The following ADCY9 variants were observed in gnomAD, a reference collection of about 807,000 sequenced individuals.
ADCY9 encodes the protein adenylate cyclase 9, also known as adenylate cyclase type 9.
ADCY9 carries 50 observed loss-of-function variants against 101.5 expected under a neutral mutation model. That is an observed-to-expected ratio of 0.49 (90% CI 0.39 to 0.62). The LOEUF is 0.62. Ranked by LOEUF, ADCY9 falls within the 20% of genes least tolerant of loss-of-function variation. The probability of loss-of-function intolerance (pLI) is 0.00; values close to 1 mark genes in which losing one functional copy is unlikely to be tolerated. For synonymous variants in ADCY9, 905 were observed against 769.3 expected, an observed-to-expected ratio of 1.18 and a Z score of -2.92; for missense variants, 1,662 against 1,800.4, an observed-to-expected ratio of 0.92 and a Z score of 1.39.
At chr16:4,069,911 G>C (rs1227708765) in intron 2 of ADCY9, among the ~76,000 whole-genome samples, 1 of 152,118 alleles carries the variant, frequency 6.6e-6, no homozygotes, top group Non-Finnish European at 1.5e-5. Context: ...GTCTGCCCAA[G>C]ATGGTGAAAC....
chr16:4,113,895 C>G lies in ADCY9; in HGVS notation c.1548G>C (p.Leu516=). Residue 516 remains leucine (L), a synonymous_variant, in exon 2 of 11, where the codon CTG becomes CTC. Transcript: ENST00000294016. The part of the protein sequence containing the change: ...KFDVWSNDVN[L]ANLMEQLGVA... ...CTCCCAGCTGCTCCATGAGATTGGC[C>G]AGGTTCACATCGTTGGACCACACGT... The G allele has an allele frequency of 6.2e-7, 1 of 1,614,176 alleles. No homozygotes were observed. Among genetic ancestry groups the G allele is most frequent in the Non-Finnish European group, 8.5e-7 (1 of 1,180,040 alleles).
At chr16:3,955,005 T>C (rs978364607) in intron 5 of ADCY9, among the ~76,000 whole-genome samples, 1 of 151,826 alleles carries the variant, frequency 6.6e-6, no homozygotes, top group Non-Finnish European at 1.5e-5. Flanking sequence ...AACAGACAGG[T>C]GAATGAAGAG....
chr16:4,051,004 C>G (rs7203542), intron 2 of ADCY9, among the ~76,000 whole-genome samples: 115,413 of 151,740 alleles, frequency 0.76, 44,229 homozygotes, highest in African/African-American at 0.83. Context: ...CCTGAGGTTA[C>G]AAGTTGGAGA....
chr16:4,041,919 G>GTTTTTT (rs750737772), intron 2 of ADCY9, among the ~76,000 whole-genome samples: 9 of 100,652 alleles, frequency 8.9e-5, no homozygotes, highest in Non-Finnish European at 1.3e-4. Flanking sequence ...CCCCAGCTAA[G>GTTTTTT]TTTTTTTTTT....
rs561561560 is a variant in ADCY9, at chr16:4,083,878, T to G, written c.1693+29872A>C. Reference sequence around the variant, plus strand: ...AGCACTGGGGGTGGCAGCTCGGGTGTGCCGGGCTTCTCTGTCGAGTGAAGA... The same window carrying G: ...AGCACTGGGGGTGGCAGCTCGGGTGGGCCGGGCTTCTCTGTCGAGTGAAGA... On this transcript the variant is annotated intron_variant, in intron 2 of 10. Transcript: ENST00000294016. Among the ~76,000 whole-genome samples the G allele has an allele frequency of 3.9e-5, 6 of 152,288 alleles. No homozygotes were observed. The South Asian group carries it at 1.2e-3, about 32-fold the overall frequency.
At chr16:4,092,897 G>C (rs2056982308) in intron 2 of ADCY9, among the ~76,000 whole-genome samples, 2 of 152,138 alleles carry the variant, frequency 1.3e-5, no homozygotes, top group African/African-American at 4.8e-5. Context: ...CACACCAACA[G>C]CTACATACAT....
intron 2 of ADCY9, among the ~76,000 whole-genome samples, chr16:4,059,951 G>A (rs967603810): frequency 6.6e-6 from 1 of 152,132 alleles, no homozygotes; most frequent in Non-Finnish European, 1.5e-5. Flanking sequence ...GAGTTAGAGC[G>A]GTGGTGTTCT....
At chr16:4,051,417 G>A (rs1358315930) in intron 2 of ADCY9, among the ~76,000 whole-genome samples, 3 of 151,886 alleles carry the variant, frequency 2.0e-5, no homozygotes, top group East Asian at 1.9e-4. Flanking sequence ...CCAGCTACTC[G>A]GGAGACTGAG....
intron 2 of ADCY9, among the ~76,000 whole-genome samples, chr16:4,010,097 G>A (rs1183058099): frequency 6.6e-6 from 1 of 152,202 alleles, no homozygotes; most frequent in Non-Finnish European, 1.5e-5. Flanking sequence ...CATTATGTCT[G>A]TGGCTGGCCC....
Position 3,963,173 on chromosome 16 carries a change from GAGA to G in ADCY9, c.*2599_*2601del, listed in dbSNP as rs1243138129. 4.4e-5 allele frequency: 14 copies of G among 316,236 alleles called. No individual in the cohort carries two copies. The Admixed American group carries it at 7.1e-4, about 16-fold the overall frequency. 19.6% of individuals were successfully genotyped at this position (316,236 alleles called of 1,614,324 possible). A position where few individuals can be genotyped will look rare whatever the true frequency, so the allele number is the denominator to read the frequency against. On this transcript the variant is annotated 3_prime_UTR_variant, in exon 11 of 11. Transcript: ENST00000294016. ...ATATAATTCGATCTGAGCTGGGACT[GAGA>G]AGAAAATAGCAATTGCAACTCAAAG...
rs942625799 is a variant in ADCY9, at chr16:3,992,934, C to T, written c.1989+472G>A. Among the ~76,000 whole-genome samples the T allele has an allele frequency of 8.5e-5, 13 of 152,096 alleles. No individual in the cohort carries two copies. The highest frequency in any genetic ancestry group is 6.5e-4 in the Admixed American group (10 of 15,274). ...GTGAGTCGCCTGCATGAGCCCCCGC[C>T]GACAGGCTCTCGCGGGTGGGCTGAG... On this transcript the variant is annotated intron_variant, in intron 4 of 10. Coordinates refer to ENST00000294016, the MANE Select transcript of ADCY9 (RefSeq NM_001116.4). This position sits in a 1 kb window ranked among gnomAD's most constrained non-coding sequence, Gnocchi z 4.2.
intron 2 of ADCY9, among the ~76,000 whole-genome samples, chr16:4,020,121 C>T (rs967475704): frequency 6.6e-5 from 10 of 152,090 alleles, no homozygotes; most frequent in African/African-American, 1.2e-4. Flanking sequence ...ATGAACTTCC[C>T]GTGATGATGG....
chr16:3,965,694 G>T lies in ADCY9; in HGVS notation c.*81C>A. On this transcript the variant is annotated 3_prime_UTR_variant, in exon 11 of 11. Coordinates refer to ENST00000294016, the MANE Select transcript of ADCY9 (RefSeq NM_001116.4). ...CACGTCCGGGGAGGGCAACTGTGGC[G>T]CTTGGAAAGCACAACAGCCAAATAC... 1 of 1,365,844 alleles carries T rather than the reference G, an allele frequency of 7.3e-7. No individual in the cohort carries two copies. Among genetic ancestry groups the T allele is most frequent in the Non-Finnish European group, 1.0e-6 (1 of 993,432 alleles). 84.6% of individuals were successfully genotyped at this position (1,365,844 alleles called of 1,614,324 possible).
rs1256363458 is a variant in ADCY9 at position 3,965,870 on chromosome 16, G to A, written c.3967C>T (p.Arg1323Ter). ...KEPVKAEERG[R>*]FGKAIEKDDC... ...TCTTTCTCTATGGCTTTGCCAAATC[G>A]ACCCCTTTCTTCGGCTTTGACGGGC... Residue 1323 changes from arginine to a stop codon, truncating the protein, a stop_gained, in exon 11 of 11, where the codon CGA (arginine) becomes TGA (stop). Transcript: ENST00000294016. LOFTEE classifies it high-confidence loss of function. 3 of 1,613,994 alleles carry A rather than the reference G, an allele frequency of 1.9e-6. No homozygotes were observed. The highest frequency in any genetic ancestry group is 1.3e-5 in the African/African-American group (1 of 74,896).
chr16:4,113,009 T>C (rs1038924048), intron 2 of ADCY9, among the ~76,000 whole-genome samples: 2 of 152,050 alleles, frequency 1.3e-5, no homozygotes, highest in African/African-American at 4.8e-5. Flanking sequence ...CCTGAGAGGA[T>C]GAGGGAGGGG....
chr16:4,044,916 G>T (rs761099927), intron 2 of ADCY9, among the ~76,000 whole-genome samples: 4 of 152,078 alleles, frequency 2.6e-5, no homozygotes, highest in Non-Finnish European at 5.9e-5. Flanking sequence ...TCACAGCAAC[G>T]GGCTCCCGGC....
At chr16:4,077,183 A>T (rs1210055899) in intron 2 of ADCY9, among the ~76,000 whole-genome samples, 4 of 152,090 alleles carry the variant, frequency 2.6e-5, no homozygotes, top group Non-Finnish European at 5.9e-5. Flanking sequence ...TGTAAGCCCT[A>T]TACAGGGAAG....
At chr16:4,080,325 C>A (rs967031272) in intron 2 of ADCY9, among the ~76,000 whole-genome samples, 68 of 152,252 alleles carry the variant, frequency 4.5e-4, no homozygotes, top group African/African-American at 1.6e-3. Flanking sequence ...TTCACTGCAA[C>A]CTCCATCTCC....
At chr16:4,043,714 G>A (rs1735954638) in intron 2 of ADCY9, among the ~76,000 whole-genome samples, 1 of 152,018 alleles carries the variant, frequency 6.6e-6, no homozygotes, top group African/African-American at 2.4e-5. Flanking sequence ...TAAACAATGT[G>A]GAGTCTTTTA....
Sources: gnomAD v4.1 joint callset for allele counts (sites outside exome capture counted in the v4.1 genomes callset) on GRCh38, gnomAD v4.1.1 for gene constraint, Gnocchi (gnomAD v3.1) non-coding constraint, MANE v1.5 for transcripts, NCBI Gene and HGNC (gene_info 2026-07-23, HGNC 2026-07-21) for gene names.